Variants in ZC3H15 observed in about 807,000 individuals in gnomAD.
ZC3H15 encodes the protein zinc finger CCCH-type containing 15, also known as zinc finger CCCH domain-containing protein 15.
ZC3H15 carries 15 observed loss-of-function variants against 51.2 expected under a neutral mutation model. The ratio of observed to expected loss-of-function variants is 0.29; its 90% CI spans 0.20 to 0.45. The LOEUF (loss-of-function observed/expected upper bound fraction) is 0.45. ZC3H15 is among the 20% of genes least tolerant of loss of function. ZC3H15 has a pLI of 1.00. For synonymous variants in ZC3H15, 144 were observed against 162.8 expected (o/e 0.88, Z 0.88); for missense variants, 381 against 494.7 (o/e 0.77, Z 2.18).
chr2:186,505,806 G>A lies in ZC3H15; in HGVS notation c.931G>A (p.Asp311Asn), dbSNP rs775571603. 1.2e-6 allele frequency: 2 copies of A among 1,614,060 alleles called. No homozygotes were observed. Among genetic ancestry groups the A allele is most frequent in the Admixed American group, 3.3e-5 (2 of 59,998 alleles). Residue 311 changes from aspartate (D) to asparagine (N), a missense_variant, in exon 8 of 10, where the codon GAT (aspartate) becomes AAT (asparagine). By Grantham distance (23) the Asp-to-Asn change is conservative. Coordinates refer to ENST00000337859, the MANE Select transcript of ZC3H15 (RefSeq NM_018471.3). ...CAATGATGATGATGAGGAAGCAGAT[G>A]ATACCCGCTACACCCAGGGAACAGG... is the stretch of plus-strand genomic sequence containing the variant. Reference protein sequence around the residue: ...LVNDDDEEADDTRYTQGTGGD... With the variant: ...LVNDDDEEADNTRYTQGTGGD...
chr2:186,495,767 T>C (rs1685271271), intron 2 of ZC3H15, among the ~76,000 whole-genome samples: 1 of 152,244 alleles, frequency 6.6e-6, no homozygotes, highest in Non-Finnish European at 1.5e-5. Flanking sequence ...CAGATCACTT[T>C]CCATAGAGGC....
At position 186,491,624 on chromosome 2, in the gene ZC3H15, T is replaced by C. The variant is rs911127337; in HGVS notation, c.76-3609T>C. On this transcript the variant is annotated intron_variant, in intron 1 of 9. Transcript: ENST00000337859. ...GCAAAGAGGGTAATTTACCCAGCTCTGTTTGGGATTAAAATTTGGGCAGTC... is the reference window on the plus strand; with the variant it reads ...GCAAAGAGGGTAATTTACCCAGCTCCGTTTGGGATTAAAATTTGGGCAGTC... 2.0e-5 allele frequency among the ~76,000 whole-genome samples: 3 copies of C among 152,198 alleles called. No homozygotes were observed. The East Asian group carries it at 5.8e-4, about 29-fold the overall frequency.
In ZC3H15 at chr2:186,502,531, G is replaced by A; in HGVS notation, c.478G>A (p.Glu160Lys). 6.2e-7 allele frequency: 1 copy of A among 1,613,170 alleles called. No homozygotes were observed. The highest frequency in any genetic ancestry group is 8.5e-7 in the Non-Finnish European group (1 of 1,179,568). ...MDNWDEKKLE[E>K]VVNKKHGEAE... is the part of the protein sequence containing the mutation. ...TAATTGGGATGAGAAAAAGCTGGAA[G>A]AAGTAGTGAACAAGAAGCACGGTGA... The change falls in exon 5 of 10, where the codon GAA becomes AAA. Residue 160 changes from glutamate (E) to lysine (K), a missense_variant. Around this residue, in one of 3 missense-constraint regions of ZC3H15, gnomAD observed 41 missense variants for 86.5 expected, o/e 0.47. Transcript: ENST00000337859.
chr2:186,498,388 C>A (rs1464104129), intron 2 of ZC3H15, among the ~76,000 whole-genome samples: 1 of 152,114 alleles, frequency 6.6e-6, no homozygotes, highest in Non-Finnish European at 1.5e-5. Context: ...GGGTTACAGA[C>A]CATATTTTAT....
intron 5 of ZC3H15, among the ~76,000 whole-genome samples, chr2:186,503,408 C>G (rs1685418846): frequency 6.6e-6 from 1 of 152,152 alleles, no homozygotes; most frequent in African/African-American, 2.4e-5. Flanking sequence ...CGGAGTTTTG[C>G]TCTTGTTGCC....
chr2:186,488,129 G>A (rs1417180543), intron 1 of ZC3H15, among the ~76,000 whole-genome samples: 1 of 151,804 alleles, frequency 6.6e-6, no homozygotes, highest in African/African-American at 2.4e-5. Context: ...AATTAAGCCC[G>A]ATTTTGTGTT....
At position 186,507,274 on chromosome 2, in the gene ZC3H15, AAG is replaced by A. The variant is rs375132870; in HGVS notation, c.1090+440_1090+441del. On this transcript the variant is annotated intron_variant, in intron 9 of 9. Transcript: ENST00000337859. ...TTCCAAAGAAGCAAGTAGGATGAAAAAGAATATAAATAAGTTACTGGTTGTAA... is the reference window on the plus strand; with the variant it reads ...TTCCAAAGAAGCAAGTAGGATGAAAAAATATAAATAAGTTACTGGTTGTAA... The A allele has an allele frequency of 6.6e-5, 25 of 379,130 alleles. No individual in the cohort carries two copies. The East Asian group carries it at 1.5e-3, about 23-fold the overall frequency. 23.5% of individuals were successfully genotyped at this position (379,130 alleles called of 1,614,324 possible).
chr2:186,489,744 A>T (rs1685164214), intron 1 of ZC3H15, among the ~76,000 whole-genome samples: 2 of 152,198 alleles, frequency 1.3e-5, no homozygotes, highest in Non-Finnish European at 2.9e-5. Context: ...CTAAGGAAGT[A>T]AAAGAGACAT....
intron 6 of ZC3H15, 70 bp downstream of exon 6, chr2:186,504,284 C>A: frequency 8.3e-7 from 1 of 1,211,206 alleles, no homozygotes; most frequent in South Asian, 2.1e-5. Flanking sequence ...ATACTTACCA[C>A]TTGGGGCAAT....
chr2:186,508,439 GAAAAGGAA>G, intron 9 of ZC3H15, 96 bp from the exon 10 acceptor site: 1 of 1,016,032 alleles, frequency 9.8e-7, no homozygotes, highest in Non-Finnish European at 1.4e-6. Context: ...CTTTCATGGA[GAAAAGGAA>G]AAGAGGAAGT....
In ZC3H15 at chr2:186,492,169, G is replaced by A. The variant is rs189375676; in HGVS notation, c.76-3064G>A. 8.6e-4 allele frequency among the ~76,000 whole-genome samples: 131 copies of A among 152,172 alleles called. 1 individual carries two copies. The highest frequency in any genetic ancestry group is 3.7e-3 in the Admixed American group (57 of 15,292). ...GTTGAACCGCAGTTTATTTTCTCTG[G>A]CAGAGCACCTGTAGATGCTGTTTAA... On this transcript the variant is annotated intron_variant, in intron 1 of 9. Transcript: ENST00000337859.
At chr2:186,488,864 T>TA (rs1188818652) in intron 1 of ZC3H15, 1 of 152,876 alleles carries the variant, frequency 6.5e-6, no homozygotes, top group Non-Finnish European at 1.5e-5. Flanking sequence ...CACCCTCAGT[T>TA]AATTGCAGTT....
chr2:186,490,170 C>T (rs1010630964), intron 1 of ZC3H15, among the ~76,000 whole-genome samples: 20 of 151,910 alleles, frequency 1.3e-4, no homozygotes, highest in African/African-American at 4.6e-4. Context: ...TAATACTTTC[C>T]GAAATGAATA....
intron 8 of ZC3H15, 64 bp from the exon 9 acceptor site, chr2:186,506,649 A>G: frequency 1.3e-6 from 2 of 1,531,568 alleles, no homozygotes; most frequent in Non-Finnish European, 1.8e-6. Flanking sequence ...ATTAAGATAA[A>G]TGTCAGGAGT....
chr2:186,503,885 G>C (rs1434886054), intron 5 of ZC3H15, 147 bp from the exon 6 acceptor site: 20 of 556,348 alleles, frequency 3.6e-5, no homozygotes, highest in Admixed American at 7.5e-5. Flanking sequence ...ATAGAGGCTA[G>C]ACAGAGCACC....
chr2:186,503,443 C>G (rs1472302780), intron 5 of ZC3H15, among the ~76,000 whole-genome samples: 1 of 152,204 alleles, frequency 6.6e-6, no homozygotes, highest in Non-Finnish European at 1.5e-5. Flanking sequence ...GTGGCGCAAT[C>G]TTAGCTCACT....
At position 186,486,266 on chromosome 2, in the gene ZC3H15, C is replaced by G; in HGVS notation, c.-117C>G. 8.2e-7 allele frequency: 1 copy of G among 1,216,920 alleles called. No individual in the cohort carries two copies. The highest frequency in any genetic ancestry group is 1.8e-5 in the South Asian group (1 of 54,468). The allele number at this position is 1,216,920 out of a possible 1,614,324, so 75.4% of individuals were successfully genotyped here. ...GTTTGCGGGGCCAATGAGCGACTCG[C>G]TTTCCGTGCGGTGCGGCGAGTGAGG... On this transcript the variant is annotated 5_prime_UTR_variant, in exon 1 of 10. Coordinates refer to ENST00000337859, the MANE Select transcript of ZC3H15 (RefSeq NM_018471.3).
At chr2:186,500,548 T>C (rs1284459397) in intron 3 of ZC3H15, 1 of 601,076 alleles carries the variant, frequency 1.7e-6, no homozygotes, top group Non-Finnish European at 3.1e-6. Context: ...AGACTGCTAA[T>C]TGATTTATAA....
At chr2:186,497,177 A>C (rs1393303532) in intron 2 of ZC3H15, 1 of 422,778 alleles carries the variant, frequency 2.4e-6, no homozygotes, top group Admixed American at 3.2e-5. Flanking sequence ...ACTTCTGGAA[A>C]CACATTTTTG....
Sources: gnomAD v4.1 joint callset for allele counts (sites outside exome capture counted in the v4.1 genomes callset) on GRCh38, gnomAD v4.1.1 for gene constraint, gnomAD v4.1.1 regional missense constraint, MANE v1.5 for transcripts, NCBI Gene and HGNC (gene_info 2026-07-23, HGNC 2026-07-21) for gene names.